The following YAP1 variants were observed in gnomAD, a reference collection of about 807,000 sequenced individuals.
YAP1 encodes the protein transcriptional coactivator YAP1.
In YAP1, 5 loss-of-function variants were observed where a neutral mutation model predicts 56.9. The ratio of observed to expected loss-of-function variants is 0.09; its 90% CI spans 0.05 to 0.18. The LOEUF is 0.18. YAP1 is among the 10% of genes least tolerant of loss of function. The pLI is 1.00. For missense variants in YAP1, 539 were observed against 651.8 expected (o/e 0.83, Z 1.88); for synonymous variants, 265 against 248.1 (o/e 1.07, Z -0.64).
chr11:102,212,346 G>A (rs1380680924), intron 6 of YAP1, among the ~76,000 whole-genome samples: 1 of 152,144 alleles, frequency 6.6e-6, no homozygotes, highest in Non-Finnish European at 1.5e-5. Context: ...TCATGTGGCT[G>A]TTGTAGGGTG....
At chr11:102,145,586 A>G (rs1323438003) in intron 2 of YAP1, among the ~76,000 whole-genome samples, 2 of 152,224 alleles carry the variant, frequency 1.3e-5, no homozygotes, top group East Asian at 3.8e-4. Context: ...TATAAATTAT[A>G]AATATTGAAC....
chr11:102,114,232 T>C lies in YAP1; in HGVS notation c.410T>C (p.Val137Ala), dbSNP rs752684713. 9 of 1,614,098 alleles carry C rather than the reference T, an allele frequency of 5.6e-6. No homozygotes were observed. In the South Asian group the frequency reaches 9.9e-5, roughly 18 times the overall value. Residue 137 changes from valine to alanine, a missense_variant, in exon 2 of 9, where the codon GTT becomes GCT. Val to Ala is a moderately conservative substitution (Grantham distance 64, BLOSUM62 0). Coordinates refer to ENST00000282441, the MANE Select transcript of YAP1 (RefSeq NM_001130145.3). ...SSPASLQLGA[V>A]SPGTLTPTGV... ...CCAGCTTCTCTGCAGTTGGGAGCTGTTTCTCCTGGGACACTGACCCCCACT... is the reference window on the plus strand; with the variant it reads ...CCAGCTTCTCTGCAGTTGGGAGCTGCTTCTCCTGGGACACTGACCCCCACT...
rs369837465 is a variant in YAP1, at chr11:102,229,952, A to C, written c.*12A>C. On this transcript the variant is annotated 3_prime_UTR_variant, in exon 9 of 9. Coordinates refer to ENST00000282441, the MANE Select transcript of YAP1 (RefSeq NM_001130145.3). Reference sequence around the variant, plus strand: ...TTACATGGTTATAGAGCCCTCAGGCAGACTGAATTCTAAATCTGTGAAGGA... The same window carrying C: ...TTACATGGTTATAGAGCCCTCAGGCCGACTGAATTCTAAATCTGTGAAGGA... 39 of 1,608,126 alleles carry C rather than the reference A, an allele frequency of 2.4e-5. 1 individual carries two copies. In the Middle Eastern group the frequency reaches 9.9e-4, roughly 41 times the overall value.
chr11:102,171,984 G>A (rs1366315110), intron 3 of YAP1, among the ~76,000 whole-genome samples: 2 of 152,086 alleles, frequency 1.3e-5, no homozygotes, highest in Non-Finnish European at 2.9e-5. Context: ...GAGGTTAGGA[G>A]TTCGAGACCA....
intron 2 of YAP1, among the ~76,000 whole-genome samples, chr11:102,135,749 T>C (rs2135258860): frequency 6.6e-6 from 1 of 152,338 alleles, no homozygotes; most frequent in South Asian, 2.1e-4. Flanking sequence ...AAATTGGTGG[T>C]CATTTTTAAT....
At chr11:102,114,718 A>T (rs1466710613) in intron 2 of YAP1, among the ~76,000 whole-genome samples, 1 of 152,218 alleles carries the variant, frequency 6.6e-6, no homozygotes, top group Non-Finnish European at 1.5e-5. Flanking sequence ...CAGAAAGAAT[A>T]CCATGAAAAT....
intron 4 of YAP1, among the ~76,000 whole-genome samples, chr11:102,201,253 T>C (rs1356732482): frequency 1.3e-5 from 2 of 152,218 alleles, no homozygotes; most frequent in Non-Finnish European, 2.9e-5. Context: ...TATCTCAGGA[T>C]ATATTGTTAC....
intron 6 of YAP1, among the ~76,000 whole-genome samples, chr11:102,219,854 C>T (rs1949836241): frequency 6.6e-6 from 1 of 151,888 alleles, no homozygotes; most frequent in Non-Finnish European, 1.5e-5. Flanking sequence ...ACCTCAGCTT[C>T]CTGAGTAGCT....
At chr11:102,162,123 A>G (rs910863227) in intron 2 of YAP1, among the ~76,000 whole-genome samples, 1 of 152,216 alleles carries the variant, frequency 6.6e-6, no homozygotes, top group African/African-American at 2.4e-5. Context: ...GGTTTTAGTC[A>G]TATGGTTACT....
chr11:102,204,212 AGT>A (rs2023929956), intron 4 of YAP1, among the ~76,000 whole-genome samples: 1 of 150,650 alleles, frequency 6.6e-6, no homozygotes, highest in Non-Finnish European at 1.5e-5. Flanking sequence ...TAGGCAACAT[AGT>A]AAGACAGAAA....
chr11:102,111,057 A>G lies in YAP1; in HGVS notation c.209A>G (p.Asn70Ser), dbSNP rs1319051455. 3.1e-6 allele frequency: 5 copies of G among 1,613,140 alleles called. No individual in the cohort carries two copies. The highest frequency in any genetic ancestry group is 3.4e-6 in the Non-Finnish European group (4 of 1,179,752). The change falls in exon 1 of 9, where the codon AAC becomes AGC. Residue 70 changes from asparagine to serine, a missense_variant. By Grantham distance (46) the Asn-to-Ser change is conservative (BLOSUM62 1). Transcript: ENST00000282441. ...DSETDLEALF[N>S]AVMNPKTANV... ...GAGACCGACCTGGAGGCGCTCTTCA[A>G]CGCCGTCATGAACCCCAAGACGGCC...
At chr11:102,116,948 T>C (rs1943322799) in intron 2 of YAP1, among the ~76,000 whole-genome samples, 1 of 152,206 alleles carries the variant, frequency 6.6e-6, no homozygotes, top group South Asian at 2.1e-4. Context: ...TGCTGTGGGC[T>C]TATAAAATTT....
chr11:102,176,745 CAAAAAAAAAAAAA>C (rs57082707), intron 3 of YAP1, among the ~76,000 whole-genome samples: 651 of 45,520 alleles, frequency 0.014, 19 homozygotes, highest in African/African-American at 0.053. Context: ...GACTCCGTCT[CAAAAAAAAAAAAA>C]AAAAAAAAAA....
intron 4 of YAP1, among the ~76,000 whole-genome samples, chr11:102,196,082 TG>T (rs1379434131): frequency 6.6e-6 from 1 of 152,180 alleles, no homozygotes; most frequent in East Asian, 1.9e-4. Flanking sequence ...CCTCATACAT[TG>T]CTGTTGGGAT....
chr11:102,181,833 G>GT (rs1947643539), intron 3 of YAP1, among the ~76,000 whole-genome samples: 1 of 152,040 alleles, frequency 6.6e-6, no homozygotes. Context: ...TTTTGTTGTT[G>GT]TTTTTTGAGA....
intron 2 of YAP1, among the ~76,000 whole-genome samples, chr11:102,118,041 T>G (rs72972161): frequency 0.19 from 29,026 of 152,166 alleles, 3,452 homozygotes; most frequent in Middle Eastern, 0.4. Flanking sequence ...CAAGTTTATT[T>G]TATTGACTCT....
chr11:102,229,417 A>G (rs192431514), intron 8 of YAP1, among the ~76,000 whole-genome samples: 1 of 152,314 alleles, frequency 6.6e-6, no homozygotes, highest in East Asian at 1.9e-4. Context: ...GCTGCTGCAT[A>G]TAATTTTTCA....
At chr11:102,225,730 TG>T (rs59451524) in intron 7 of YAP1, among the ~76,000 whole-genome samples, 353 of 152,314 alleles carry the variant, frequency 2.3e-3, no homozygotes, top group African/African-American at 8.2e-3. Flanking sequence ...GAAAGCACTG[TG>T]CTTACATCTG....
At chr11:102,128,381 A>G (rs1307701905) in intron 2 of YAP1, among the ~76,000 whole-genome samples, 1 of 152,134 alleles carries the variant, frequency 6.6e-6, no homozygotes, top group Non-Finnish European at 1.5e-5. Flanking sequence ...TGGGTTTATC[A>G]GGGGTTTCCG....
Sources: gnomAD v4.1 joint callset for allele counts (sites outside exome capture counted in the v4.1 genomes callset) on GRCh38, gnomAD v4.1.1 for gene constraint, MANE v1.5 for transcripts, NCBI Gene and HGNC (gene_info 2026-07-23, HGNC 2026-07-21) for gene names.